Variants in CFAP47 observed in about 807,000 individuals in gnomAD.
The protein encoded by CFAP47 is cilia and flagella associated protein 47.
A neutral mutation model predicts 148.1 loss-of-function variants in CFAP47; 29 were observed. The ratio of observed to expected loss-of-function variants is 0.20; its 90% CI spans 0.15 to 0.27. The LOEUF (loss-of-function observed/expected upper bound fraction) is 0.27, where lower values mean the gene tolerates loss of function less well. Ranked by LOEUF, CFAP47 falls within the 10% of genes least tolerant of loss-of-function variation. CFAP47 has a pLI of 1.00. For missense variants in CFAP47, 1,872 were observed against 1,697.5 expected, an observed-to-expected ratio of 1.10 and a Z score of -1.81; for synonymous variants, 664 against 577.3, an observed-to-expected ratio of 1.15 and a Z score of -2.15.
At chrX:36,153,914 A>T (rs188067795) in intron 37 of CFAP47, among the ~76,000 whole-genome samples, 1 of 111,895 alleles carries the variant, frequency 8.9e-6, no homozygotes, top group African/African-American at 3.2e-5. Flanking sequence ...CCTTAAAATT[A>T]TTCTGTCTCT....
chrX:36,142,797 A>T (rs1939165545), intron 35 of CFAP47, among the ~76,000 whole-genome samples: 1 of 111,033 alleles, frequency 9.0e-6, no homozygotes, highest in South Asian at 3.8e-4. Context: ...TTACTAAAAC[A>T]TGGTTCAAAA....
chrX:36,351,354 A>T (rs1348074417), intron 59 of CFAP47, among the ~76,000 whole-genome samples: 1 of 111,939 alleles, frequency 8.9e-6, no homozygotes, highest in Non-Finnish European at 1.9e-5. Context: ...AATTTATTTT[A>T]TTTCCTTCCA....
intron 37 of CFAP47, among the ~76,000 whole-genome samples, chrX:36,157,108 G>A (rs1939377164): frequency 1.8e-5 from 2 of 110,488 alleles, no homozygotes; most frequent in African/African-American, 3.3e-5. Context: ...GTTCCACCCC[G>A]ATTTAATGTA....
At chrX:36,327,983 C>T (rs1941531559) in intron 57 of CFAP47, among the ~76,000 whole-genome samples, 1 of 111,074 alleles carries the variant, frequency 9.0e-6, no homozygotes, top group Admixed American at 9.6e-5. Flanking sequence ...AGTTGAAAAA[C>T]GACTCATTGA....
At chrX:35,931,752 A>G (rs889486989) in intron 2 of CFAP47, among the ~76,000 whole-genome samples, 5 of 111,656 alleles carry the variant, frequency 4.5e-5, no homozygotes, top group African/African-American at 1.6e-4. Context: ...ATAATATTCT[A>G]GTGGCATAAA....
intron 23 of CFAP47, among the ~76,000 whole-genome samples, chrX:36,033,413 T>C (rs752892867): frequency 2.7e-5 from 3 of 111,898 alleles, no homozygotes; most frequent in African/African-American, 9.7e-5. Context: ...AATTAACCAA[T>C]ATTTCTTTAT....
At chrX:36,234,320 A>G (rs1940419968) in intron 46 of CFAP47, among the ~76,000 whole-genome samples, 1 of 110,535 alleles carries the variant, frequency 9.0e-6, no homozygotes, top group African/African-American at 3.3e-5. Context: ...ATTTCTTTTT[A>G]TTCTTTTTTC....
intron 62 of CFAP47, among the ~76,000 whole-genome samples, chrX:36,378,853 C>T (rs1942049477): frequency 9.1e-6 from 1 of 109,356 alleles, no homozygotes; most frequent in African/African-American, 3.3e-5. Context: ...ACTCTGTCGC[C>T]CAGGCTGGAG....
intron 27 of CFAP47, among the ~76,000 whole-genome samples, chrX:36,070,781 C>T (rs918890064): frequency 9.0e-6 from 1 of 111,663 alleles, no homozygotes; most frequent in Non-Finnish European, 1.9e-5. Context: ...CGTGAGCCAC[C>T]TCACCTGGCT....
intron 49 of CFAP47, among the ~76,000 whole-genome samples, chrX:36,258,715 T>C (rs1362987899): frequency 8.9e-6 from 1 of 112,082 alleles, no homozygotes; most frequent in Admixed American, 9.5e-5. Context: ...ACTCTGGTTA[T>C]GTACCTGATA....
At position 36,146,028 on chromosome X, in the gene CFAP47, CA is replaced by C. The variant is rs750017147; in HGVS notation, c.5670+684del. ...TTACTTTATTTCTTTCCTTTTTTGT[CA>C]AAAAAAAAGACATAAAACTCCATAG... On this transcript the variant is annotated intron_variant, in intron 36 of 63. Coordinates refer to ENST00000378653, the MANE Select transcript of CFAP47 (RefSeq NM_001304548.2). 7.8e-3 allele frequency among the ~76,000 whole-genome samples: 836 copies of C among 106,813 alleles called. 4 individuals carry two copies. The highest frequency in any genetic ancestry group is 0.027 in the African/African-American group (784 of 29,466). 92.8% of individuals were successfully genotyped at this position (106,813 alleles called of 115,157 possible).
intron 62 of CFAP47, among the ~76,000 whole-genome samples, chrX:36,370,108 T>C (rs1941915703): frequency 8.9e-6 from 1 of 111,812 alleles, no homozygotes; most frequent in South Asian, 3.7e-4. Flanking sequence ...TATTTTCTTT[T>C]TTAAAATTAT....
chrX:35,994,990 G>A (rs1276383709), intron 18 of CFAP47, among the ~76,000 whole-genome samples: 1 of 111,757 alleles, frequency 8.9e-6, no homozygotes, highest in East Asian at 2.8e-4. Context: ...ATGAAGAAAT[G>A]TTGCAGGCTA....
At chrX:36,313,430 A>G (rs1354831413) in intron 56 of CFAP47, among the ~76,000 whole-genome samples, 3 of 110,905 alleles carry the variant, frequency 2.7e-5, no homozygotes, top group Non-Finnish European at 5.7e-5. Flanking sequence ...AGAACAGCAT[A>G]GGATAAACCG....
chrX:36,078,720 G>A (rs1385405583), intron 29 of CFAP47, among the ~76,000 whole-genome samples: 1 of 110,858 alleles, frequency 9.0e-6, no homozygotes, highest in African/African-American at 3.3e-5. Flanking sequence ...GGTTAATATT[G>A]TTATGTGTGA....
chrX:36,182,023 A>G (rs183384777), intron 40 of CFAP47, among the ~76,000 whole-genome samples: 1 of 112,503 alleles, frequency 8.9e-6, no homozygotes, highest in Non-Finnish European at 1.9e-5. Context: ...TGGCTCCTTC[A>G]TCTGGAATTC....
At chrX:36,321,945 A>G (rs1166317496) in intron 57 of CFAP47, among the ~76,000 whole-genome samples, 8 of 110,701 alleles carry the variant, frequency 7.2e-5, no homozygotes, top group East Asian at 2.8e-4. Flanking sequence ...ATTCACCTAC[A>G]TTTTCTTTTT....
At chrX:36,236,246 T>C (rs1312420045) in intron 47 of CFAP47, among the ~76,000 whole-genome samples, 169 bp downstream of exon 47, 1 of 112,435 alleles carries the variant, frequency 8.9e-6, no homozygotes, top group Non-Finnish European at 1.9e-5. Flanking sequence ...TGTTTTAATT[T>C]GAGGCATAAA....
intron 45 of CFAP47, chrX:36,211,512 A>G: frequency 3.3e-6 from 1 of 303,657 alleles, no homozygotes; most frequent in Non-Finnish European, 6.2e-6. Flanking sequence ...AGGAATGTGG[A>G]ATAACACTGC....
Sources: gnomAD v4.1 joint callset for allele counts (sites outside exome capture counted in the v4.1 genomes callset) on GRCh38, gnomAD v4.1.1 for gene constraint, MANE v1.5 for transcripts, NCBI Gene and HGNC (gene_info 2026-07-23, HGNC 2026-07-21) for gene names.